Variants in KIF11 observed in about 807,000 individuals in gnomAD.
KIF11 encodes kinesin family member 11.
KIF11 carries 9 observed loss-of-function variants against 121.0 expected under a neutral mutation model. The observed-to-expected ratio is 0.07, with a 90% CI of 0.04 to 0.13. The LOEUF is 0.13. KIF11 is among the 10% of genes least tolerant of loss of function. The pLI is 1.00. For synonymous variants in KIF11, 408 were observed against 421.0 expected (o/e 0.97, Z 0.38); for missense variants, 846 against 1,217.5 (o/e 0.69, Z 4.54).
intron 14 of KIF11, among the ~76,000 whole-genome samples, chr10:92,635,952 T>C (rs1444078458): frequency 1.3e-5 from 2 of 152,234 alleles, no homozygotes; most frequent in Non-Finnish European, 2.9e-5. Flanking sequence ...ACTAATGTAT[T>C]TCTGTTATAC....
At chr10:92,617,190 C>T (rs556743567) in intron 9 of KIF11, among the ~76,000 whole-genome samples, 4 of 152,288 alleles carry the variant, frequency 2.6e-5, no homozygotes, top group African/African-American at 7.2e-5. Flanking sequence ...AGTATAACCA[C>T]GATCTAGTTT....
intron 8 of KIF11, among the ~76,000 whole-genome samples, chr10:92,615,044 C>A (rs1271163428): frequency 6.6e-6 from 1 of 151,922 alleles, no homozygotes; most frequent in African/African-American, 2.4e-5. Flanking sequence ...GATCCTCCTA[C>A]CTCAGCCTCC....
Position 92,648,203 on chromosome 10 carries a change from C to A in KIF11, c.2548-9C>A. On this transcript the variant is annotated splice_polypyrimidine_tract_variant and intron_variant, in intron 18 of 21. Transcript: ENST00000260731. Reference sequence around the variant, plus strand: ...TTTAGTAATAAATATTTATTTGCATCATTTACAGGTTGTAAGCCAATGTTG... The same window carrying A: ...TTTAGTAATAAATATTTATTTGCATAATTTACAGGTTGTAAGCCAATGTTG... 6 of 1,522,638 alleles carry A rather than the reference C, an allele frequency of 3.9e-6. No homozygotes were observed. Among genetic ancestry groups the A allele is most frequent in the South Asian group, 1.2e-5 (1 of 82,986 alleles). 94.3% of individuals were successfully genotyped at this position (1,522,638 alleles called of 1,614,324 possible).
intron 14 of KIF11, 35 bp downstream of exon 14, chr10:92,633,830 G>A: frequency 7.5e-7 from 1 of 1,325,450 alleles, no homozygotes; most frequent in Non-Finnish European, 1.1e-6. Context: ...TTGAAGGGTT[G>A]CATTTGATAA....
chr10:92,599,534 A>T (rs1434242191), intron 1 of KIF11, among the ~76,000 whole-genome samples: 2 of 151,268 alleles, frequency 1.3e-5, no homozygotes. Flanking sequence ...CAAAAAAAAA[A>T]AAAAAGAAAA....
intron 1 of KIF11, among the ~76,000 whole-genome samples, chr10:92,601,789 C>G (rs2135897885): frequency 6.6e-6 from 1 of 151,530 alleles, no homozygotes; most frequent in Non-Finnish European, 1.5e-5. Flanking sequence ...TGATCCTCTA[C>G]TCTTACCCTC....
At position 92,637,051 on chromosome 10, in the gene KIF11, AAAGAAT is replaced by A. The variant is rs1408360719; in HGVS notation, c.1876-132_1876-127del. 13 of 741,042 alleles carry A rather than the reference AAAGAAT, an allele frequency of 1.8e-5. No individual in the cohort carries two copies. The East Asian group carries it at 4.3e-4, about 24-fold the overall frequency. 45.9% of individuals were successfully genotyped at this position (741,042 alleles called of 1,614,324 possible). On this transcript the variant is annotated intron_variant, in intron 14 of 21. Coordinates refer to ENST00000260731, the MANE Select transcript of KIF11 (RefSeq NM_004523.4). Reference sequence around the variant, plus strand: ...CCGTCTCAAAAAAAAAAAAAAAAAAAAAGAATGGAGAATGGAAATGTAAATTTTAAT... The same window carrying A: ...CCGTCTCAAAAAAAAAAAAAAAAAAAGGAGAATGGAAATGTAAATTTTAAT...
rs776766098 is a variant in KIF11 at position 92,593,384 on chromosome 10, G to A, written c.9G>A (p.Ser3=). 1.9e-5 allele frequency: 31 copies of A among 1,608,080 alleles called. No individual in the cohort carries two copies. The highest frequency in any genetic ancestry group is 2.5e-5 in the Non-Finnish European group (30 of 1,177,862). Residue 3 remains serine (S), a synonymous_variant, in exon 1 of 22, where the codon TCG becomes TCA. Transcript: ENST00000260731. MA[S]QPNSSAKKKE... is the part of the protein sequence containing the mutation. The stretch of plus-strand genomic sequence containing the variant: ...TTTTGGCGGGGACCGTCATGGCGTC[G>A]CAGCCAAATTCGTCTGCGAAGAAGA...
chr10:92,640,956 C>T (rs749564083), intron 17 of KIF11, among the ~76,000 whole-genome samples: 1 of 151,716 alleles, frequency 6.6e-6, no homozygotes, highest in Non-Finnish European at 1.5e-5. Context: ...CCACGTTGGC[C>T]AGGCTGATCT....
intron 21 of KIF11, among the ~76,000 whole-genome samples, chr10:92,651,534 T>A (rs1844983463): frequency 9.5e-6 from 1 of 105,594 alleles, no homozygotes; most frequent in African/African-American, 4.7e-5. Context: ...TTTTTTTTTT[T>A]TTTTTTTTTT....
chr10:92,618,852 C>G (rs1844588900), intron 9 of KIF11, among the ~76,000 whole-genome samples: 1 of 152,038 alleles, frequency 6.6e-6, no homozygotes, highest in Non-Finnish European at 1.5e-5. Flanking sequence ...AGATACTGAA[C>G]AGTTCCATCA....
Position 92,649,896 on chromosome 10 carries a change from T to G in KIF11, c.2832T>G (p.Arg944=). The G allele has an allele frequency of 6.2e-7, 1 of 1,613,306 alleles. No individual in the cohort carries two copies. The highest frequency in any genetic ancestry group is 8.5e-7 in the Non-Finnish European group (1 of 1,179,302). Residue 944 remains arginine, a synonymous_variant, in exon 20 of 22, where the codon CGT becomes CGG. Transcript: ENST00000260731. The part of the protein sequence containing the change: ...YPSTLVRTEP[R]EHLLDQLKRK... Reference sequence around the variant, plus strand: ...CAACACTGGTAAGAACTGAACCACGTGAACATCTCCTTGATCAGCTGAAAA... The same window carrying G: ...CAACACTGGTAAGAACTGAACCACGGGAACATCTCCTTGATCAGCTGAAAA...
At chr10:92,621,792 A>G (rs529349496) in intron 10 of KIF11, among the ~76,000 whole-genome samples, 39 of 152,294 alleles carry the variant, frequency 2.6e-4, no homozygotes, top group Middle Eastern at 3.4e-3. Flanking sequence ...TTGTAGAGAC[A>G]GGGTTTCACC....
chr10:92,645,566 C>G lies in KIF11; in HGVS notation c.2471C>G (p.Thr824Arg). 4 of 1,612,434 alleles carry G rather than the reference C, an allele frequency of 2.5e-6. No homozygotes were observed. The highest frequency in any genetic ancestry group is 3.4e-6 in the Non-Finnish European group (4 of 1,178,700). The part of the protein sequence containing the change: ...ETEQRCESLN[T>R]RTVYFSEQWV... ...GAACAGAGATGTGAATCTCTGAACA[C>G]AAGAACAGTTTATTTTTCTGAACAG... is the stretch of plus-strand genomic sequence containing the variant. The change falls in exon 18 of 22, where the codon ACA (threonine) becomes AGA (arginine). Residue 824 changes from threonine (T) to arginine (R), a missense_variant. Thr to Arg is a moderately conservative substitution (Grantham distance 71). Coordinates refer to ENST00000260731, the MANE Select transcript of KIF11 (RefSeq NM_004523.4).
intron 1 of KIF11, among the ~76,000 whole-genome samples, chr10:92,595,114 C>T (rs1039492637): frequency 1.3e-5 from 2 of 152,178 alleles, no homozygotes; most frequent in Non-Finnish European, 2.9e-5. Flanking sequence ...GGCCGTAGTG[C>T]AGTGGTGCAA....
intron 18 of KIF11, 124 bp downstream of exon 18, chr10:92,645,766 T>TC: frequency 6.7e-6 from 5 of 745,232 alleles, no homozygotes; most frequent in Non-Finnish European, 1.1e-5. Context: ...AACTTTTAAG[T>TC]ATAATATTTG....
At chr10:92,628,424 T>C (rs1844701598) in intron 10 of KIF11, among the ~76,000 whole-genome samples, 1 of 152,190 alleles carries the variant, frequency 6.6e-6, no homozygotes, top group Admixed American at 6.5e-5. Context: ...GGCATATTTA[T>C]ATTCTGTATC....
chr10:92,614,021 T>TATACACACACACACACAC (rs1284311727), intron 8 of KIF11, among the ~76,000 whole-genome samples: 31 of 127,048 alleles, frequency 2.4e-4, no homozygotes, highest in Admixed American at 8.3e-4. Flanking sequence ...AGTATGTGTA[T>TATACACACACACACACAC]ACACACACAC....
chr10:92,597,893 C>T (rs972047145), intron 1 of KIF11, among the ~76,000 whole-genome samples: 2 of 151,708 alleles, frequency 1.3e-5, no homozygotes, highest in African/African-American at 4.8e-5. Flanking sequence ...TCAGGTGATC[C>T]GTCCACCCTG....
Sources: allele counts gnomAD v4.1 joint callset (sites outside exome capture counted in the v4.1 genomes callset), GRCh38; gene constraint gnomAD v4.1.1; transcripts MANE v1.5; gene names NCBI Gene and HGNC (gene_info 2026-07-23, HGNC 2026-07-21).